Variants in ZP3 observed in about 807,000 individuals in gnomAD.
ZP3 encodes the protein zona pellucida sperm-binding protein 3.
A neutral mutation model predicts 35.6 loss-of-function variants in ZP3; 21 were observed. The ratio of observed to expected loss-of-function variants is 0.59; its 90% CI spans 0.42 to 0.85. The LOEUF (loss-of-function observed/expected upper bound fraction) is 0.85. Ranked by LOEUF, ZP3 falls within the 40% of genes least tolerant of loss-of-function variation. The pLI is 0.00. For synonymous variants in ZP3, 207 were observed against 214.5 expected, an observed-to-expected ratio of 0.96 and a Z score of 0.31; for missense variants, 437 against 536.5, an observed-to-expected ratio of 0.81 and a Z score of 1.83.
intron 1 of ZP3, among the ~76,000 whole-genome samples, chr7:76,419,660 T>TTTC (rs1215203075): frequency 3.3e-5 from 4 of 120,014 alleles, no homozygotes; most frequent in Non-Finnish European, 6.5e-5. Context: ...TCTCTCTCTC[T>TTTC]TTCTTTCTTT....
chr7:76,412,962 C>T (rs541948289), intron 1 of ZP3, among the ~76,000 whole-genome samples: 103 of 113,754 alleles, frequency 9.1e-4, no homozygotes, highest in Non-Finnish European at 1.5e-3. Flanking sequence ...TCTTCTTCTT[C>T]TTCTTTTTTT....
Position 76,432,937 on chromosome 7 carries a change from G to A in ZP3, c.442G>A (p.Val148Met), listed in dbSNP as rs939036543. The change falls in exon 3 of 8, where the codon GTG (valine) becomes ATG (methionine). Residue 148 changes from valine (V) to methionine (M), a missense_variant. Val to Met is a conservative substitution (Grantham distance 21, BLOSUM62 1). Transcript: ENST00000394857. Reference sequence around the variant, plus strand: ...CTGTTCTTCTCTCAGGCAGGGCAATGTGAGCAGCCAGGCCATCCTGCCCAC... The same window carrying A: ...CTGTTCTTCTCTCAGGCAGGGCAATATGAGCAGCCAGGCCATCCTGCCCAC... ...IECRYPRQGN[V>M]SSQAILPTWL... 5.0e-6 allele frequency: 8 copies of A among 1,614,008 alleles called. No individual in the cohort carries two copies. Among genetic ancestry groups the A allele is most frequent in the Non-Finnish European group, 6.8e-6 (8 of 1,179,974 alleles).
intron 1 of ZP3, among the ~76,000 whole-genome samples, chr7:76,405,472 G>A (rs1202166703): frequency 4.1e-5 from 6 of 146,492 alleles, no homozygotes; most frequent in Non-Finnish European, 6.0e-5. Context: ...GTGAGCCACC[G>A]TGCCAGCCCA....
At chr7:76,437,478 T>G (rs1319366780) in intron 5 of ZP3, among the ~76,000 whole-genome samples, 18 of 141,940 alleles carry the variant, frequency 1.3e-4, no homozygotes, top group African/African-American at 2.7e-4. Flanking sequence ...CTCTTTTTTT[T>G]TTTTTTTTTG....
chr7:76,422,785 G>A (rs1287111233), upstream of ZP3, among the ~76,000 whole-genome samples: 2 of 151,434 alleles, frequency 1.3e-5, no homozygotes, highest in East Asian at 1.9e-4. Context: ...ATCACTTGAG[G>A]TCCAGAGTTC....
rs757187128 is a variant in ZP3 at position 76,425,269 on chromosome 7, G to A, written c.305G>A (p.Ser102Asn). Residue 102 changes from serine (S) to asparagine (N), a missense_variant, in exon 1 of 8, where the codon AGC (serine) becomes AAC (asparagine). Ser to Asn is a conservative substitution (Grantham distance 46, BLOSUM62 1). Coordinates refer to ENST00000394857, the MANE Select transcript of ZP3 (RefSeq NM_001110354.2). ...GTTGGACTCCACGAGTGTGGCAACA[G>A]CATGCAGGTAAGAGAGGCTGGGGGC... Reference protein sequence around the residue: ...FEVGLHECGNSMQVTDDALVY... With the variant: ...FEVGLHECGNNMQVTDDALVY... 4.4e-6 allele frequency: 7 copies of A among 1,605,686 alleles called. No homozygotes were observed. The highest frequency in any genetic ancestry group is 6.0e-6 in the Non-Finnish European group (7 of 1,175,128).
chr7:76,412,088 T>C (rs1034498582), intron 1 of ZP3, among the ~76,000 whole-genome samples: 4 of 150,590 alleles, frequency 2.7e-5, no homozygotes, highest in African/African-American at 9.8e-5. Flanking sequence ...CACGAGAGGC[T>C]GAGGTGGGAG....
chr7:76,433,518 C>T lies in ZP3; in HGVS notation c.584C>T (p.Ala195Val), dbSNP rs746023959. The T allele has an allele frequency of 6.2e-7, 1 of 1,614,072 alleles. No homozygotes were observed. Among genetic ancestry groups the T allele is most frequent in the Non-Finnish European group, 8.5e-7 (1 of 1,179,966 alleles). ...TCCCCCACCTTCCACCTGGGAGATG[C>T]AGCCCACCTCCAGGCAGAAATCCAC... The part of the protein sequence containing the change: ...KRSPTFHLGD[A>V]AHLQAEIHTG... Residue 195 changes from alanine to valine, a missense_variant, in exon 4 of 8, where the codon GCA becomes GTA. By Grantham distance (64) the Ala-to-Val change is moderately conservative (BLOSUM62 0). This residue lies in a region of ZP3 where 352 missense variants were observed against 308.4 expected (regional missense o/e 1.14). Coordinates refer to ENST00000394857, the MANE Select transcript of ZP3 (RefSeq NM_001110354.2).
At chr7:76,433,124 T>TTGGTTTTGGTTGGTTTTGG in intron 3 of ZP3, 94 bp downstream of exon 3, 1 of 672,478 alleles carries the variant, frequency 1.5e-6, no homozygotes, top group East Asian at 2.8e-5. Flanking sequence ...TTTGTTTGGT[T>TTGGTTTTGGTTGGTTTTGG]TTGGTTTTGG....
At chr7:76,437,372 C>T (rs1407837137) in intron 5 of ZP3, among the ~76,000 whole-genome samples, 3 of 152,044 alleles carry the variant, frequency 2.0e-5, no homozygotes, top group African/African-American at 7.2e-5. Flanking sequence ...GATGGGGTTT[C>T]ACTATGTTGG....
chr7:76,415,905 G>A (rs1332824728), intron 1 of ZP3, among the ~76,000 whole-genome samples: 5 of 151,414 alleles, frequency 3.3e-5, no homozygotes, highest in South Asian at 4.2e-4. Flanking sequence ...TGAGGCAGGC[G>A]GATCACTTGA....
chr7:76,411,337 C>T (rs1428969474), intron 1 of ZP3, among the ~76,000 whole-genome samples: 1 of 152,052 alleles, frequency 6.6e-6, no homozygotes, highest in Non-Finnish European at 1.5e-5. Flanking sequence ...GAAGCAAAGG[C>T]AGGAGGATCG....
chr7:76,409,323 TCACA>T (rs3081030), intron 1 of ZP3: 8,842 of 146,256 alleles, frequency 0.06, 295 homozygotes, highest in Middle Eastern at 0.095. Flanking sequence ...TCTCTCTGTC[TCACA>T]CACACACACA....
intron 2 of ZP3, 76 bp from the exon 3 acceptor site, chr7:76,432,851 G>A: frequency 7.9e-7 from 1 of 1,268,314 alleles, no homozygotes; most frequent in South Asian, 1.3e-5. Context: ...GGGTAGCAGT[G>A]AGATACTCCC....
At chr7:76,401,227 C>T (rs528884429) in intron 1 of ZP3, among the ~76,000 whole-genome samples, 42 of 152,214 alleles carry the variant, frequency 2.8e-4, no homozygotes, top group Admixed American at 6.6e-4. Flanking sequence ...TTCCCTGCCT[C>T]ACCCCTCTCC....
rs550888505 is a variant in ZP3, at chr7:76,408,501, C to T, written c.-67+10704C>T. Among the ~76,000 whole-genome samples, 6 of 152,260 alleles carry T rather than the reference C, an allele frequency of 3.9e-5. No individual in the cohort carries two copies. The East Asian group carries it at 1.2e-3, about 29-fold the overall frequency. On this transcript the variant is annotated intron_variant, in intron 1 of 8. Coordinates refer to the ZP3 transcript ENST00000336517. ...ACCCACTTCTCAGGCTGCTGGGATA[C>T]TGGCCCCCCAGGCCAGATCAGCCCC...
chr7:76,411,013 A>AAAAAAAAAAAAAG (rs1554623386), intron 1 of ZP3, among the ~76,000 whole-genome samples: 6 of 131,156 alleles, frequency 4.6e-5, no homozygotes, highest in African/African-American at 9.2e-5. Context: ...AAAAAAAAAA[A>AAAAAAAAAAAAAG]AAAAGAAAAG....
At chr7:76,423,231 AAGAG>A (rs371941555), upstream of ZP3, among the ~76,000 whole-genome samples, 110 of 148,184 alleles carry the variant, frequency 7.4e-4, no homozygotes, top group Non-Finnish European at 1.1e-3. Flanking sequence ...GAGAGAGGGA[AAGAG>A]AGAGAGAGAG....
intron 1 of ZP3, among the ~76,000 whole-genome samples, chr7:76,414,519 C>T (rs1805319270): frequency 6.6e-6 from 1 of 151,752 alleles, no homozygotes; most frequent in African/African-American, 2.4e-5. Flanking sequence ...AATGGATTCT[C>T]TCTGAGTTTG....
Sources: allele counts gnomAD v4.1 joint callset (sites outside exome capture counted in the v4.1 genomes callset), GRCh38; gene constraint gnomAD v4.1.1; regional missense constraint gnomAD v4.1.1; transcripts MANE v1.5; gene names NCBI Gene and HGNC (gene_info 2026-07-23, HGNC 2026-07-21).